SYNPR: variants seen among roughly 807,000 people sequenced by gnomAD.
SYNPR encodes the protein synaptoporin.
Under a neutral mutation model 32.9 loss-of-function variants are expected in SYNPR, and 23 were observed. The observed-to-expected ratio is 0.70, with a 90% CI of 0.50 to 0.99. The LOEUF (loss-of-function observed/expected upper bound fraction) is 0.99. SYNPR is among the 50% of genes least tolerant of loss of function. The pLI is 0.00. For missense variants in SYNPR, 318 were observed against 349.3 expected (o/e 0.91, Z 0.71); for synonymous variants, 146 against 135.9 (o/e 1.07, Z -0.52).
chr3:63,472,722 G>A (rs767813904), intron 2 of SYNPR, among the ~76,000 whole-genome samples: 4 of 152,132 alleles, frequency 2.6e-5, no homozygotes, highest in Non-Finnish European at 4.4e-5. Flanking sequence ...TCCACCTTCC[G>A]CCAATCCACT....
chr3:63,419,539 T>C (rs1380278498), intron 2 of SYNPR, among the ~76,000 whole-genome samples: 1 of 152,152 alleles, frequency 6.6e-6, no homozygotes, highest in Non-Finnish European at 1.5e-5. Flanking sequence ...ATATAAAGTT[T>C]TTTATTTTTT....
rs146755229 is a variant in SYNPR, at chr3:63,440,255, G to T, written c.85-40577G>T. 5.1e-3 allele frequency among the ~76,000 whole-genome samples: 772 copies of T among 152,272 alleles called. 5 individuals are homozygous for T. Among genetic ancestry groups the T allele is most frequent in the African/African-American group, 0.018 (731 of 41,560 alleles). Reference sequence around the variant, plus strand: ...AGCAGGCAGAATAGCTAGCGCAAAGGCATGGAAGGTGAGTGTGGCTGAAGA... The same window carrying T: ...AGCAGGCAGAATAGCTAGCGCAAAGTCATGGAAGGTGAGTGTGGCTGAAGA... On this transcript the variant is annotated intron_variant, in intron 2 of 5. Transcript: ENST00000478300.
chr3:63,615,019 C>G (rs1700257079), intron 5 of SYNPR, among the ~76,000 whole-genome samples: 1 of 152,086 alleles, frequency 6.6e-6, no homozygotes, highest in Non-Finnish European at 1.5e-5. Flanking sequence ...CACATAAAGC[C>G]CTTTATGTAG....
chr3:63,515,219 A>C (rs914930234), intron 3 of SYNPR, among the ~76,000 whole-genome samples: 8 of 152,046 alleles, frequency 5.3e-5, no homozygotes, highest in African/African-American at 1.7e-4. Context: ...CGAGCTTATG[A>C]TATATCAGAC....
intron 2 of SYNPR, among the ~76,000 whole-genome samples, chr3:63,438,316 T>C (rs1364613873): frequency 6.6e-6 from 1 of 152,204 alleles, no homozygotes; most frequent in Non-Finnish European, 1.5e-5. Flanking sequence ...TCCACAAACT[T>C]TTCCCTCTAC....
chr3:63,217,987 A>C, the SYNPR span, among the ~76,000 whole-genome samples: 116 of 152,170 alleles, frequency 7.6e-4, no homozygotes, highest in African/African-American at 2.6e-3. Context: ...GACTACTGTT[A>C]TTTCTCTCTA....
At chr3:63,551,585 T>C (rs2106821182) in intron 3 of SYNPR, among the ~76,000 whole-genome samples, 1 of 152,356 alleles carries the variant, frequency 6.6e-6, no homozygotes, top group African/African-American at 2.4e-5. Flanking sequence ...CCAACACTTA[T>C]AATTCCAATC....
chr3:63,536,512 T>G (rs544499926), intron 3 of SYNPR, among the ~76,000 whole-genome samples: 2 of 152,302 alleles, frequency 1.3e-5, no homozygotes, highest in African/African-American at 4.8e-5. Context: ...GCTAGTGGGA[T>G]TGTAAAATTG....
Position 63,383,490 on chromosome 3 carries a change from G to A in SYNPR, c.85-97342G>A, listed in dbSNP as rs569303044. Among the ~76,000 whole-genome samples, 368 of 152,230 alleles carry A rather than the reference G, an allele frequency of 2.4e-3. 2 individuals carry two copies. The Middle Eastern group carries it at 0.027, about 11-fold the overall frequency. On this transcript the variant is annotated intron_variant, in intron 2 of 5. Transcript: ENST00000478300. ...CTACCACTTTGGGAGGCCAAGGTGG[G>A]CAGATTGCCTGAGCTCAGGAGTTCA...
intron 2 of SYNPR, among the ~76,000 whole-genome samples, chr3:63,361,320 G>A (rs1413812023): frequency 5.9e-5 from 9 of 152,106 alleles, no homozygotes; most frequent in Admixed American, 2.0e-4. Flanking sequence ...AGGCTCGGTG[G>A]CTCACGCCTG....
chr3:63,550,427 G>T (rs1224040893), intron 3 of SYNPR, among the ~76,000 whole-genome samples: 1 of 151,658 alleles, frequency 6.6e-6, no homozygotes, highest in Admixed American at 6.6e-5. Flanking sequence ...ATTTTACCCA[G>T]TATGGCTGGT....
At chr3:63,269,530 T>C (rs1163183227) in intron 3 of SYNPR, among the ~76,000 whole-genome samples, 1 of 152,066 alleles carries the variant, frequency 6.6e-6, no homozygotes, top group Non-Finnish European at 1.5e-5. Context: ...CTAGAATTTA[T>C]GTAACAGCCA....
chr3:63,358,749 A>G (rs1467355700), intron 2 of SYNPR, among the ~76,000 whole-genome samples: 4 of 152,202 alleles, frequency 2.6e-5, no homozygotes, highest in African/African-American at 7.2e-5. Flanking sequence ...TTTCACATGT[A>G]TTATCTTAAT....
intron 2 of SYNPR, among the ~76,000 whole-genome samples, chr3:63,455,191 T>C (rs1217943768): frequency 6.6e-6 from 1 of 152,112 alleles, no homozygotes; most frequent in African/African-American, 2.4e-5. Context: ...CCACAAACAA[T>C]GCTATTACTT....
chr3:63,422,550 C>A (rs1438291212), intron 2 of SYNPR, among the ~76,000 whole-genome samples: 1 of 151,834 alleles, frequency 6.6e-6, no homozygotes, highest in Admixed American at 6.6e-5. Flanking sequence ...CAAATTGTAC[C>A]CTTTAAATAT....
rs1323811351 is a variant in SYNPR at position 63,278,401 on chromosome 3, C to G, written c.-133C>G. On this transcript the variant is annotated 5_prime_UTR_variant, in exon 1 of 6. Coordinates refer to ENST00000478300, the MANE Select transcript of SYNPR (RefSeq NM_001130003.2). ...GGTGGGCTCCCCGAGGCCCCCTGCC[C>G]TCGCCGGGCTGCTCCAGGGTGTCGC... 5.7e-6 allele frequency: 7 copies of G among 1,236,856 alleles called. No homozygotes were observed. Among genetic ancestry groups the G allele is most frequent in the Non-Finnish European group, 7.7e-6 (7 of 909,090 alleles). The allele number at this position is 1,236,856 out of a possible 1,614,324, so 76.6% of individuals were successfully genotyped here.
chr3:63,580,940 A>ATT (rs1215955201), intron 4 of SYNPR, among the ~76,000 whole-genome samples: 1 of 152,164 alleles, frequency 6.6e-6, no homozygotes, highest in Non-Finnish European at 1.5e-5. Flanking sequence ...GGTAGGTAGT[A>ATT]TTGCCCATTT....
At chr3:63,364,460 G>T (rs1224594132) in intron 2 of SYNPR, among the ~76,000 whole-genome samples, 1 of 152,138 alleles carries the variant, frequency 6.6e-6, no homozygotes, top group Non-Finnish European at 1.5e-5. Flanking sequence ...TATCAATTTT[G>T]CTATTTCTTT....
chr3:63,402,294 C>T (rs2107103092), intron 2 of SYNPR, among the ~76,000 whole-genome samples: 1 of 152,210 alleles, frequency 6.6e-6, no homozygotes, highest in Non-Finnish European at 1.5e-5. Context: ...AGAAATGTCT[C>T]CAGGCTTTGT....
Sources: gnomAD v4.1 joint callset for allele counts (sites outside exome capture counted in the v4.1 genomes callset) on GRCh38, gnomAD v4.1.1 for gene constraint, MANE v1.5 for transcripts, NCBI Gene and HGNC (gene_info 2026-07-23, HGNC 2026-07-21) for gene names.